Variants in GNB4 observed in about 807,000 individuals in gnomAD.
GNB4 encodes the protein G protein subunit beta 4, also known as guanine nucleotide-binding protein subunit beta-4.
Under a neutral mutation model 45.2 loss-of-function variants are expected in GNB4, and 28 were observed. That is an observed-to-expected ratio of 0.62 (90% CI 0.46 to 0.85). The LOEUF is 0.85. Among genes scored for constraint, GNB4 ranks in the 40% least tolerant of loss-of-function variants. GNB4 has a pLI of 0.00. For missense variants in GNB4, 321 were observed against 425.4 expected (o/e 0.75, Z 2.16); for synonymous variants, 132 against 143.7 (o/e 0.92, Z 0.58).
intron 1 of GNB4, among the ~76,000 whole-genome samples, chr3:179,440,880 TAGAGAGAGAGAG>T (rs141411562): frequency 1.3e-5 from 2 of 149,032 alleles, no homozygotes; most frequent in Admixed American, 6.7e-5. Flanking sequence ...TATAGATAGA[TAGAGAGAGAGAG>T]AGAGAGAGAG....
the GNB4 span, among the ~76,000 whole-genome samples, chr3:179,494,945 G>GA: frequency 2.8e-5 from 4 of 141,626 alleles, no homozygotes; most frequent in Admixed American, 1.4e-4. Flanking sequence ...AGGAAGGAAG[G>GA]AAAAAAAATC....
At chr3:179,412,420 G>C (rs1560212937) in intron 8 of GNB4, among the ~76,000 whole-genome samples, 1 of 152,064 alleles carries the variant, frequency 6.6e-6, no homozygotes, top group Admixed American at 6.6e-5. Context: ...CAAGGCTGCT[G>C]TGAGCTATGA....
intron 8 of GNB4, chr3:179,410,282 A>C (rs1026654288): frequency 6.6e-6 from 1 of 152,230 alleles, no homozygotes; most frequent in Non-Finnish European, 1.5e-5. Flanking sequence ...GATCAATGAA[A>C]CAGAAAAACA....
At chr3:179,430,761 C>T (rs1258639291) in intron 1 of GNB4, among the ~76,000 whole-genome samples, 3 of 151,880 alleles carry the variant, frequency 2.0e-5, no homozygotes, top group Non-Finnish European at 2.9e-5. Context: ...CCAGCCCCTC[C>T]ACCAGTGATT....
upstream of GNB4, among the ~76,000 whole-genome samples, chr3:179,454,689 A>G (rs926524669): frequency 2.6e-4 from 39 of 152,148 alleles, no homozygotes; most frequent in African/African-American, 8.4e-4. Context: ...TGCCAAGCAC[A>G]CCGTGAAGAA....
At chr3:179,512,818 T>C in the GNB4 span, among the ~76,000 whole-genome samples, 24 of 152,294 alleles carry the variant, frequency 1.6e-4, no homozygotes, top group African/African-American at 5.5e-4. Flanking sequence ...TGTACGTGTG[T>C]GTGTGAATTC....
At chr3:179,494,001 G>A in the GNB4 span, among the ~76,000 whole-genome samples, 1 of 152,174 alleles carries the variant, frequency 6.6e-6, no homozygotes, top group Non-Finnish European at 1.5e-5. Flanking sequence ...GCTAGAGGCT[G>A]GGGATGCTAG....
chr3:179,498,743 G>GGCTT, the GNB4 span, among the ~76,000 whole-genome samples: 709 of 113,608 alleles, frequency 6.2e-3, 22 homozygotes, highest in East Asian at 0.015. Context: ...AGTTGGTTGA[G>GGCTT]GTTTGGTTTT....
the GNB4 span, among the ~76,000 whole-genome samples, chr3:179,508,938 A>ATG: frequency 7.2e-6 from 1 of 139,566 alleles, no homozygotes; most frequent in South Asian, 2.2e-4. Context: ...ATGTGTATAT[A>ATG]TATATATATA....
At chr3:179,519,219 C>A in the GNB4 span, among the ~76,000 whole-genome samples, 1 of 152,224 alleles carries the variant, frequency 6.6e-6, no homozygotes, top group Non-Finnish European at 1.5e-5. Flanking sequence ...CTGTGTGGGA[C>A]CCCACTGGAA....
rs376068792 is a variant in GNB4 at position 179,405,181 on chromosome 3, T to C, written c.916+9A>G. The C allele has an allele frequency of 1.4e-4, 222 of 1,606,010 alleles. No individual in the cohort carries two copies. Among genetic ancestry groups the C allele is most frequent in the Non-Finnish European group, 1.7e-4 (204 of 1,174,594 alleles). On this transcript the variant is annotated intron_variant, in intron 9 of 9. Coordinates refer to ENST00000232564, the MANE Select transcript of GNB4 (RefSeq NM_021629.4). ...AAAATCAGAACCTAATGTGGACTTA[T>C]TTACTAACCTGCACGATCTCCTTTT...
chr3:179,499,250 C>T, the GNB4 span, among the ~76,000 whole-genome samples: 1 of 150,724 alleles, frequency 6.6e-6, no homozygotes, highest in Non-Finnish European at 1.5e-5. Context: ...CTCCGCCTCC[C>T]AGGTTCACGC....
the GNB4 span, among the ~76,000 whole-genome samples, chr3:179,513,015 G>A: frequency 2.7e-5 from 4 of 150,708 alleles, no homozygotes; most frequent in Middle Eastern, 3.2e-3. Flanking sequence ...TTTATATCTC[G>A]TGGAACTCGG....
the GNB4 span, among the ~76,000 whole-genome samples, chr3:179,487,718 G>A: frequency 6.6e-6 from 1 of 152,048 alleles, no homozygotes; most frequent in East Asian, 1.9e-4. Context: ...TTCTCTAGCA[G>A]CTAAACAAGC....
the GNB4 span, among the ~76,000 whole-genome samples, chr3:179,500,461 T>C: frequency 6.6e-6 from 1 of 152,224 alleles, no homozygotes; most frequent in Non-Finnish European, 1.5e-5. Context: ...TTGGTACCAG[T>C]ACCATGCTGT....
chr3:179,447,317 G>C (rs1216412567), intron 1 of GNB4, among the ~76,000 whole-genome samples: 3 of 143,196 alleles, frequency 2.1e-5, no homozygotes, highest in African/African-American at 7.8e-5. Flanking sequence ...GTGTGCCAGA[G>C]CCCAGTCACC....
At chr3:179,505,555 A>T in the GNB4 span, among the ~76,000 whole-genome samples, 1 of 152,218 alleles carries the variant, frequency 6.6e-6, no homozygotes, top group Non-Finnish European at 1.5e-5. Flanking sequence ...CATACAAAAT[A>T]TACATATCCA....
chr3:179,477,139 G>A, the GNB4 span, among the ~76,000 whole-genome samples: 1 of 152,048 alleles, frequency 6.6e-6, no homozygotes, highest in South Asian at 2.1e-4. Context: ...GATCCCTTCT[G>A]TATGTACTAA....
In GNB4 at chr3:179,396,656, C is replaced by G. The variant is rs939187318; in HGVS notation, c.*4557G>C. On this transcript the variant is annotated 3_prime_UTR_variant, in exon 10 of 10. Transcript: ENST00000232564. ...TTATCACAACTGTATTTTACAAAAT[C>G]AGCAACTGGATTTAAGAAAGAAGAC... 3.3e-5 allele frequency: 5 copies of G among 152,154 alleles called. No individual in the cohort carries two copies. The highest frequency in any genetic ancestry group is 5.9e-5 in the Non-Finnish European group (4 of 68,020). 9.4% of individuals were successfully genotyped at this position (152,154 alleles called of 1,614,324 possible).
Sources: allele counts gnomAD v4.1 joint callset (sites outside exome capture counted in the v4.1 genomes callset), GRCh38; gene constraint gnomAD v4.1.1; transcripts MANE v1.5; gene names NCBI Gene and HGNC (gene_info 2026-07-23, HGNC 2026-07-21).